Variants in PELI2 observed in about 807,000 individuals in gnomAD.
PELI2 encodes pellino E3 ubiquitin protein ligase family member 2.
In PELI2, 23 loss-of-function variants were observed where a neutral mutation model predicts 42.3. The ratio of observed to expected loss-of-function variants is 0.54; its 90% CI spans 0.39 to 0.77. The LOEUF is 0.77. PELI2 is among the 30% of genes least tolerant of loss of function. The probability of loss-of-function intolerance (pLI) is 0.00; values close to 1 mark genes in which losing one functional copy is unlikely to be tolerated. For missense variants in PELI2, 463 were observed against 553.2 expected (o/e 0.84, Z 1.64); for synonymous variants, 245 against 212.2 (o/e 1.15, Z -1.34).
chr14:56,138,955 A>G (rs1273866009), intron 1 of PELI2, among the ~76,000 whole-genome samples: 1 of 152,182 alleles, frequency 6.6e-6, no homozygotes, highest in African/African-American at 2.4e-5. Context: ...GTTGATGAAC[A>G]TGTGGGAAGG....
At chr14:56,222,263 C>T (rs1454685388) in intron 2 of PELI2, among the ~76,000 whole-genome samples, 2 of 152,276 alleles carry the variant, frequency 1.3e-5, no homozygotes, top group East Asian at 3.9e-4. Context: ...CATTTCGTAG[C>T]TGTGATTCGT....
In PELI2 at chr14:56,244,258, G is replaced by A. The variant is rs145958778; in HGVS notation, c.208-35418G>A. On this transcript the variant is annotated intron_variant, in intron 2 of 5. Coordinates refer to ENST00000267460, the MANE Select transcript of PELI2 (RefSeq NM_021255.3). Reference sequence around the variant, plus strand: ...GATGGCAAACATATTCAAAAGGAAAGAGGAACAAGCTTTTGGCAAAATCGT... The same window carrying A: ...GATGGCAAACATATTCAAAAGGAAAAAGGAACAAGCTTTTGGCAAAATCGT... Among the ~76,000 whole-genome samples, 673 of 152,284 alleles carry A rather than the reference G, an allele frequency of 4.4e-3. 5 individuals are homozygous for A. Among genetic ancestry groups the A allele is most frequent in the African/African-American group, 0.015 (622 of 41,558 alleles).
At chr14:56,217,094 T>G (rs1316412034) in intron 2 of PELI2, among the ~76,000 whole-genome samples, 1 of 152,196 alleles carries the variant, frequency 6.6e-6, no homozygotes, top group Non-Finnish European at 1.5e-5. Flanking sequence ...TAAAAATAGA[T>G]TTCCTTGCAT....
At chr14:56,127,331 G>A (rs749306240) in intron 1 of PELI2, among the ~76,000 whole-genome samples, 1 of 152,136 alleles carries the variant, frequency 6.6e-6, no homozygotes, top group African/African-American at 2.4e-5. Flanking sequence ...TCGAGTAGGT[G>A]GGGTAATCTA....
chr14:56,217,646 A>C (rs1204590906), intron 2 of PELI2, among the ~76,000 whole-genome samples: 1 of 152,228 alleles, frequency 6.6e-6, no homozygotes, highest in Non-Finnish European at 1.5e-5. Context: ...GCTCCACATT[A>C]AAAGCTAGAC....
At chr14:56,258,597 G>C (rs1489351231) in intron 2 of PELI2, among the ~76,000 whole-genome samples, 1 of 151,728 alleles carries the variant, frequency 6.6e-6, no homozygotes, top group African/African-American at 2.4e-5. Context: ...AAAAACACTG[G>C]ATTGAGGTAG....
At chr14:56,235,490 C>A (rs1317947046) in intron 2 of PELI2, among the ~76,000 whole-genome samples, 4 of 152,194 alleles carry the variant, frequency 2.6e-5, no homozygotes, top group Non-Finnish European at 5.9e-5. Flanking sequence ...TGGCATCTTT[C>A]TTTGTTGCTC....
chr14:56,174,224 C>T (rs1283866019), intron 1 of PELI2, among the ~76,000 whole-genome samples: 2 of 152,128 alleles, frequency 1.3e-5, no homozygotes, highest in Non-Finnish European at 2.9e-5. Context: ...TTTTTAAGGC[C>T]ACCATTCAAT....
intron 2 of PELI2, among the ~76,000 whole-genome samples, chr14:56,209,282 A>C (rs1338019409): frequency 6.6e-6 from 1 of 152,198 alleles, no homozygotes; most frequent in Non-Finnish European, 1.5e-5. Flanking sequence ...CCACTTGCTG[A>C]GTTTGGTGTA....
At chr14:56,272,352 C>T (rs970217519) in intron 2 of PELI2, among the ~76,000 whole-genome samples, 7 of 152,200 alleles carry the variant, frequency 4.6e-5, no homozygotes, top group African/African-American at 9.6e-5. Flanking sequence ...CATGTATGTG[C>T]GTGCATGCAT....
Position 56,118,524 on chromosome 14 carries a change from C to A in PELI2, c.-137C>A. ...CAGCAGCGGGACTGGCCGCCCCGCG[C>A]CCCCTTCGCCGCCGTGCCCTTCCCC... On this transcript the variant is annotated 5_prime_UTR_variant, in exon 1 of 6. Coordinates refer to ENST00000267460, the MANE Select transcript of PELI2 (RefSeq NM_021255.3). 2.2e-6 allele frequency: 1 copy of A among 450,890 alleles called. No homozygotes were observed. Among genetic ancestry groups the A allele is most frequent in the Non-Finnish European group, 3.6e-6 (1 of 278,058 alleles). 27.9% of individuals were successfully genotyped at this position (450,890 alleles called of 1,614,324 possible).
intron 2 of PELI2, among the ~76,000 whole-genome samples, chr14:56,204,564 C>T (rs1886446815): frequency 6.6e-6 from 1 of 152,112 alleles, no homozygotes; most frequent in Non-Finnish European, 1.5e-5. Context: ...ACCTGAAGTG[C>T]TGGCATTCAG....
intron 1 of PELI2, among the ~76,000 whole-genome samples, chr14:56,169,425 G>A (rs1885090367): frequency 6.6e-6 from 1 of 152,194 alleles, no homozygotes; most frequent in Non-Finnish European, 1.5e-5. Context: ...CTCCGTGGTT[G>A]GGCGTCAGCT....
At chr14:56,227,858 CTCA>C (rs1887415658) in intron 2 of PELI2, among the ~76,000 whole-genome samples, 1 of 152,140 alleles carries the variant, frequency 6.6e-6, no homozygotes. Flanking sequence ...TTCAGAAGGG[CTCA>C]TAAGCCAGAT....
At chr14:56,143,629 A>G (rs1883996099) in intron 1 of PELI2, among the ~76,000 whole-genome samples, 1 of 152,168 alleles carries the variant, frequency 6.6e-6, no homozygotes, top group Non-Finnish European at 1.5e-5. Context: ...TCAGTTTTTT[A>G]TATCAAAATG....
intron 1 of PELI2, among the ~76,000 whole-genome samples, chr14:56,124,857 A>G (rs937131971): frequency 3.9e-5 from 6 of 152,200 alleles, no homozygotes; most frequent in Admixed American, 2.6e-4. Context: ...AGGAACAGAG[A>G]AACACTCTTT....
Position 56,118,646 on chromosome 14 carries a change from G to A in PELI2, c.-15G>A. On this transcript the variant is annotated 5_prime_UTR_variant, in exon 1 of 6. Coordinates refer to ENST00000267460, the MANE Select transcript of PELI2 (RefSeq NM_021255.3). ...GGCGGCGTCGGCGGCGGCGTCGGCGGCCGAGCGGGGCTCCATGTTTTCCCC... is the reference window on the plus strand; with the variant it reads ...GGCGGCGTCGGCGGCGGCGTCGGCGACCGAGCGGGGCTCCATGTTTTCCCC... The A allele has an allele frequency of 7.2e-7, 1 of 1,391,874 alleles. No individual in the cohort carries two copies. The highest frequency in any genetic ancestry group is 1.6e-5 in the South Asian group (1 of 63,212). The allele number at this position is 1,391,874 out of a possible 1,614,324, so 86.2% of individuals were successfully genotyped here.
At chr14:56,205,391 T>C (rs959761786) in intron 2 of PELI2, among the ~76,000 whole-genome samples, 11 of 152,118 alleles carry the variant, frequency 7.2e-5, no homozygotes, top group Non-Finnish European at 1.6e-4. Context: ...AGTGAGCCTA[T>C]GGGGTCATGA....
At chr14:56,206,483 A>C (rs901464692) in intron 2 of PELI2, among the ~76,000 whole-genome samples, 2 of 151,490 alleles carry the variant, frequency 1.3e-5, no homozygotes, top group African/African-American at 4.9e-5. Flanking sequence ...GAAGCGCTCC[A>C]GTAAGTTGTC....
Sources: allele counts gnomAD v4.1 joint callset (sites outside exome capture counted in the v4.1 genomes callset), GRCh38; gene constraint gnomAD v4.1.1; transcripts MANE v1.5; gene names NCBI Gene and HGNC (gene_info 2026-07-23, HGNC 2026-07-21).